Variants in SCP2 observed in about 807,000 individuals in gnomAD.
The protein encoded by SCP2 is sterol carrier protein 2, also known as SCP-2/3-oxoacyl-CoA thiolase.
SCP2 carries 48 observed loss-of-function variants against 71.4 expected under a neutral mutation model. The ratio of observed to expected loss-of-function variants is 0.67; its 90% CI spans 0.53 to 0.86. The LOEUF is 0.86. SCP2 is among the 40% of genes least tolerant of loss of function. The pLI is 0.00. For missense variants in SCP2, 560 were observed against 655.6 expected (o/e 0.85, Z 1.59); for synonymous variants, 220 against 218.1 (o/e 1.01, Z -0.08).
chr1:53,008,714 T>G (rs1237996667), intron 11 of SCP2, among the ~76,000 whole-genome samples: 2 of 152,144 alleles, frequency 1.3e-5, no homozygotes, highest in East Asian at 3.9e-4. Context: ...CTTTGCAAAC[T>G]GGCACAAGAC....
At chr1:52,978,421 T>G in intron 9 of SCP2, 54 bp downstream of exon 9, 1 of 1,372,020 alleles carries the variant, frequency 7.3e-7, no homozygotes, top group Non-Finnish European at 1.0e-6. Flanking sequence ...GTCTCATGAT[T>G]CTTGTGATGG....
At chr1:53,039,578 C>T (rs1486460972) in intron 14 of SCP2, among the ~76,000 whole-genome samples, 1 of 152,208 alleles carries the variant, frequency 6.6e-6, no homozygotes, top group East Asian at 1.9e-4. Flanking sequence ...TCAAGATCAC[C>T]AGTGACTACC....
intron 11 of SCP2, among the ~76,000 whole-genome samples, chr1:52,999,160 G>A (rs1347266098): frequency 6.6e-6 from 1 of 152,206 alleles, no homozygotes. Flanking sequence ...TTATTGAAAA[G>A]TAAATGTTTC....
intron 6 of SCP2, among the ~76,000 whole-genome samples, chr1:52,969,406 A>G (rs932393017): frequency 6.6e-6 from 1 of 152,084 alleles, no homozygotes; most frequent in Non-Finnish European, 1.5e-5. Flanking sequence ...CTACTTGGGA[A>G]GCTGAAGTGG....
Position 53,019,226 on chromosome 1 carries a change from A to C in SCP2, c.1235+4183A>C, listed in dbSNP as rs76162249. 6.0e-3 allele frequency among the ~76,000 whole-genome samples: 916 copies of C among 152,308 alleles called. 15 individuals carry two copies. Among genetic ancestry groups the C allele is most frequent in the African/African-American group, 0.021 (881 of 41,568 alleles). Reference sequence around the variant, plus strand: ...GTTGCTGTTCTTTTCTTTGTAATTAATAAGTAATTTGTAGCAAGATGCTTT... The same window carrying C: ...GTTGCTGTTCTTTTCTTTGTAATTACTAAGTAATTTGTAGCAAGATGCTTT... On this transcript the variant is annotated intron_variant, in intron 12 of 15. Coordinates refer to ENST00000371514, the MANE Select transcript of SCP2 (RefSeq NM_002979.5).
At chr1:53,017,074 A>G (rs568904088) in intron 12 of SCP2, among the ~76,000 whole-genome samples, 1 of 152,318 alleles carries the variant, frequency 6.6e-6, no homozygotes, top group African/African-American at 2.4e-5. Flanking sequence ...TCAACTTTGT[A>G]TTATAACATC....
chr1:52,988,255 A>G, intron 11 of SCP2, 119 bp downstream of exon 11: 1 of 680,340 alleles, frequency 1.5e-6, no homozygotes, highest in Non-Finnish European at 2.7e-6. Context: ...GGTGCTTTAA[A>G]TGATTGTTTA....
At chr1:52,954,685 A>ATT in intron 4 of SCP2, 55 bp from the exon 5 acceptor site, 1 of 1,357,720 alleles carries the variant, frequency 7.4e-7, no homozygotes, top group South Asian at 1.2e-5. Context: ...ATTTAATGGT[A>ATT]TTTTGTTGGT....
intron 13 of SCP2, among the ~76,000 whole-genome samples, chr1:53,032,865 G>A (rs1371194582): frequency 1.3e-5 from 2 of 152,144 alleles, no homozygotes; most frequent in Non-Finnish European, 2.9e-5. Context: ...TATTTGTATG[G>A]TTTTGTGAAG....
intron 13 of SCP2, among the ~76,000 whole-genome samples, chr1:53,030,600 AAAAT>A (rs1478309775): frequency 1.3e-5 from 2 of 152,218 alleles, no homozygotes; most frequent in Admixed American, 1.3e-4. Context: ...GGTTTTTAAA[AAAAT>A]CTCTGGGCTG....
At chr1:53,026,786 C>T (rs1290006398) in intron 12 of SCP2, among the ~76,000 whole-genome samples, 1 of 151,440 alleles carries the variant, frequency 6.6e-6, no homozygotes, top group Non-Finnish European at 1.5e-5. Flanking sequence ...CCAGCCTGGG[C>T]GACAGAGTCC....
At chr1:52,964,212 C>T (rs1220170083) in intron 6 of SCP2, among the ~76,000 whole-genome samples, 5 of 144,868 alleles carry the variant, frequency 3.5e-5, no homozygotes, top group Non-Finnish European at 3.0e-5. Flanking sequence ...TTTCTTTTCT[C>T]TCTTTTTTTT....
intron 12 of SCP2, among the ~76,000 whole-genome samples, chr1:53,024,132 C>A (rs868208842): frequency 6.6e-6 from 1 of 152,146 alleles, no homozygotes; most frequent in Non-Finnish European, 1.5e-5. Flanking sequence ...TTTTGAAAAT[C>A]CTGACATGCT....
At chr1:52,969,451 G>A (rs1657259398) in intron 6 of SCP2, among the ~76,000 whole-genome samples, 1 of 152,176 alleles carries the variant, frequency 6.6e-6, no homozygotes, top group African/African-American at 2.4e-5. Context: ...GGAGGCTGCA[G>A]TAAGCCAAGG....
chr1:52,977,558 G>C (rs1269408212), intron 8 of SCP2, among the ~76,000 whole-genome samples: 1 of 152,182 alleles, frequency 6.6e-6, no homozygotes, highest in African/African-American at 2.4e-5. Flanking sequence ...GAGCTGGGGC[G>C]GTCTGTAGTA....
Position 53,045,871 on chromosome 1 carries a change from C to T in SCP2, c.1469-1987C>T, listed in dbSNP as rs147316287. On this transcript the variant is annotated intron_variant, in intron 14 of 15. Coordinates refer to ENST00000371514, the MANE Select transcript of SCP2 (RefSeq NM_002979.5). ...TCCCTCTATAGTCAGCCCCCTCAGGCCCTTTTAGCCACTAGTTTGATTTCT... is the reference window on the plus strand; with the variant it reads ...TCCCTCTATAGTCAGCCCCCTCAGGTCCTTTTAGCCACTAGTTTGATTTCT... Among the ~76,000 whole-genome samples the T allele has an allele frequency of 5.3e-4, 81 of 152,302 alleles. No individual in the cohort carries two copies. The East Asian group carries it at 0.014, about 26-fold the overall frequency.
chr1:52,950,126 T>G (rs1186820893), intron 3 of SCP2, among the ~76,000 whole-genome samples: 1 of 152,056 alleles, frequency 6.6e-6, no homozygotes, highest in Non-Finnish European at 1.5e-5. Context: ...ATTTATTTAT[T>G]TATTTATTTA....
At chr1:52,933,970 C>T (rs907007469) in intron 1 of SCP2, among the ~76,000 whole-genome samples, 4 of 152,178 alleles carry the variant, frequency 2.6e-5, no homozygotes, top group Non-Finnish European at 5.9e-5. Flanking sequence ...CTTATGCATT[C>T]ACAGGAAAAA....
intron 11 of SCP2, among the ~76,000 whole-genome samples, chr1:52,999,815 G>GTTTTT (rs60893788): frequency 5.5e-5 from 6 of 109,384 alleles, no homozygotes; most frequent in African/African-American, 1.5e-4. Context: ...CTGAACACTT[G>GTTTTT]TTTTTTTTTT....
Sources: gnomAD v4.1 joint callset for allele counts (sites outside exome capture counted in the v4.1 genomes callset) on GRCh38, gnomAD v4.1.1 for gene constraint, MANE v1.5 for transcripts, NCBI Gene and HGNC (gene_info 2026-07-23, HGNC 2026-07-21) for gene names.